The following HDGFL3 variants were observed in gnomAD, a reference collection of about 807,000 sequenced individuals.
HDGFL3 encodes HDGF like 3.
HDGFL3 carries 6 observed loss-of-function variants against 27.6 expected under a neutral mutation model. That is an observed-to-expected ratio of 0.22 (90% CI 0.12 to 0.43). The LOEUF (loss-of-function observed/expected upper bound fraction) is 0.43. HDGFL3 is among the 20% of genes least tolerant of loss of function. HDGFL3 has a pLI of 1.00. For missense variants in HDGFL3, 207 were observed against 250.1 expected, an observed-to-expected ratio of 0.83 and a Z score of 1.16; for synonymous variants, 88 against 88.9, an observed-to-expected ratio of 0.99 and a Z score of 0.05.
downstream of HDGFL3, among the ~76,000 whole-genome samples, chr15:83,125,630 G>C (rs955981075): frequency 6.6e-6 from 1 of 152,194 alleles, no homozygotes; most frequent in Admixed American, 6.5e-5. Context: ...CTTCTTAGTA[G>C]AAATGAATTT....
intron 1 of HDGFL3, 106 bp from the exon 2 acceptor site, chr15:83,164,181 C>T: frequency 1.3e-6 from 1 of 764,048 alleles, no homozygotes; most frequent in Non-Finnish European, 2.1e-6. Context: ...AATCAAAACT[C>T]AGATAGTTTT....
At chr15:83,170,969 GA>G (rs1049666990) in intron 1 of HDGFL3, among the ~76,000 whole-genome samples, 4 of 150,040 alleles carry the variant, frequency 2.7e-5, no homozygotes, top group African/African-American at 9.8e-5. Context: ...CAAGAAACAC[GA>G]AAAAACTTGT....
In HDGFL3 at chr15:83,136,558, C is replaced by A. The variant is rs754009945; in HGVS notation, c.*2712G>T. 6.2e-7 allele frequency: 1 copy of A among 1,613,720 alleles called. No individual in the cohort carries two copies. Among genetic ancestry groups the A allele is most frequent in the Admixed American group, 1.7e-5 (1 of 59,950 alleles). Reference sequence around the variant, plus strand: ...ACAGAGTCCCTGAAGAAGCAAAAATCCTTTTTTTAGCATTAAACATAGCAT... The same window carrying A: ...ACAGAGTCCCTGAAGAAGCAAAAATACTTTTTTTAGCATTAAACATAGCAT... On this transcript the variant is annotated 3_prime_UTR_variant, in exon 6 of 6. Transcript: ENST00000299633.
chr15:83,186,175 AG>A (rs1173678149), intron 1 of HDGFL3: 2 of 152,298 alleles, frequency 1.3e-5, no homozygotes, highest in Non-Finnish European at 2.9e-5. Flanking sequence ...CCTGGATTCC[AG>A]AAACACAGAA....
Position 83,167,282 on chromosome 15 carries a change from G to A in HDGFL3, c.85-3207C>T, listed in dbSNP as rs147731009. Among the ~76,000 whole-genome samples the A allele has an allele frequency of 6.2e-3, 947 of 152,314 alleles. 10 individuals are homozygous for A. The highest frequency in any genetic ancestry group is 0.019 in the African/African-American group (801 of 41,572). On this transcript the variant is annotated intron_variant, in intron 1 of 5. Coordinates refer to ENST00000299633, the MANE Select transcript of HDGFL3 (RefSeq NM_016073.4). ...AAAAAAAGGACAAAGAAGGCTGAGC[G>A]TGGTGGCTCACCCCTGTAATCTCAA...
At chr15:83,165,794 C>CAAAAAAAAAAAAAAAAAAAAAAAAAAAAA (rs57873221) in intron 1 of HDGFL3, among the ~76,000 whole-genome samples, 1 of 13,848 alleles carries the variant, frequency 7.2e-5, no homozygotes, top group Admixed American at 1.2e-3. Context: ...GAATCCATCT[C>CAAAAAAAAAAAAAAAAAAAAAAAAAAAAA]AAAAAAAAAA....
intron 1 of HDGFL3, among the ~76,000 whole-genome samples, chr15:83,167,077 G>A (rs976244261): frequency 1.3e-5 from 2 of 152,144 alleles, no homozygotes; most frequent in Non-Finnish European, 2.9e-5. Context: ...GCACAGAGTG[G>A]CAGCTTGGAT....
chr15:83,188,000 G>A (rs1445905142), intron 1 of HDGFL3, among the ~76,000 whole-genome samples: 1 of 151,952 alleles, frequency 6.6e-6, no homozygotes, highest in Non-Finnish European at 1.5e-5. Flanking sequence ...ATAGATTAGA[G>A]GTATTTTCCA....
intron 1 of HDGFL3, among the ~76,000 whole-genome samples, chr15:83,188,001 G>T (rs917654721): frequency 6.6e-6 from 1 of 152,010 alleles, no homozygotes; most frequent in Non-Finnish European, 1.5e-5. Context: ...TAGATTAGAG[G>T]TATTTTCCAT....
At chr15:83,127,663 A>G (rs976685529), downstream of HDGFL3, 1 of 567,382 alleles carries the variant, frequency 1.8e-6, no homozygotes, top group Admixed American at 3.3e-5. Context: ...CAATAACTAT[A>G]TGGTAGATGT....
intron 1 of HDGFL3, among the ~76,000 whole-genome samples, chr15:83,205,408 T>A (rs961385524): frequency 2.6e-5 from 4 of 152,218 alleles, no homozygotes; most frequent in African/African-American, 9.6e-5. Flanking sequence ...CTATTTTATC[T>A]AAAAACTTAA....
chr15:83,188,961 T>A (rs1488061725), intron 1 of HDGFL3, among the ~76,000 whole-genome samples: 1 of 152,190 alleles, frequency 6.6e-6, no homozygotes, highest in African/African-American at 2.4e-5. Flanking sequence ...GGCGTCACCA[T>A]CCACCCAGAT....
At chr15:83,118,101 C>G (rs1480282772) in intron 3 of HDGFL3, among the ~76,000 whole-genome samples, 1 of 152,164 alleles carries the variant, frequency 6.6e-6, no homozygotes, top group East Asian at 1.9e-4. Context: ...GTGGCTCATG[C>G]CTGTAATCTC....
chr15:83,126,865 C>T, downstream of HDGFL3: 3 of 1,578,178 alleles, frequency 1.9e-6, no homozygotes, highest in Non-Finnish European at 2.6e-6. Flanking sequence ...AGTTATGAAG[C>T]CTAAGATTTT....
At chr15:83,115,635 A>C in exon 4 of HDGFL3, 1 of 680,618 alleles carries the variant, frequency 1.5e-6, no homozygotes, top group African/African-American at 1.8e-5. Flanking sequence ...CCTTGATGAG[A>C]GTACTTAGGC....
chr15:83,193,484 T>A (rs548206313), intron 1 of HDGFL3, among the ~76,000 whole-genome samples: 1 of 152,272 alleles, frequency 6.6e-6, no homozygotes, highest in South Asian at 2.1e-4. Flanking sequence ...TTGGTGAGAA[T>A]GTAAAATGGT....
rs1181631719 is a variant in HDGFL3 at position 83,131,269 on chromosome 15, T to C, written c.*8001A>G. ...CATCTAGTAAACTCTCAAGAATCTA[T>C]GCAACTTAGTAAGGGAAAAAAAAAC... On this transcript the variant is annotated 3_prime_UTR_variant, in exon 6 of 6. Transcript: ENST00000299633. The C allele has an allele frequency of 6.6e-6, 1 of 152,098 alleles. No homozygotes were observed. The highest frequency in any genetic ancestry group is 1.5e-5 in the Non-Finnish European group (1 of 68,044). 9.4% of individuals were successfully genotyped at this position (152,098 alleles called of 1,614,324 possible). A position where few individuals can be genotyped will look rare whatever the true frequency, so the allele number is the denominator to read the frequency against.
At position 83,135,105 on chromosome 15, in the gene HDGFL3, A is replaced by C. The variant is rs1434106904; in HGVS notation, c.*4165T>G. ...CTGGTCCTTGGCAATACATCATGCT[A>C]ATTTAATTTATATCTCCAGAGTAGC... On this transcript the variant is annotated 3_prime_UTR_variant, in exon 6 of 6. Coordinates refer to ENST00000299633, the MANE Select transcript of HDGFL3 (RefSeq NM_016073.4). The C allele has an allele frequency of 6.6e-6, 1 of 152,202 alleles. No individual in the cohort carries two copies. Among genetic ancestry groups the C allele is most frequent in the East Asian group, 1.9e-4 (1 of 5,188 alleles). The allele number at this position is 152,202 out of a possible 1,614,324, so 9.4% of individuals were successfully genotyped here.
chr15:83,122,904 C>T (rs1465592045), downstream of HDGFL3: 1 of 1,612,272 alleles, frequency 6.2e-7, no homozygotes, highest in African/African-American at 1.3e-5. Context: ...TTTGATGTAC[C>T]CTGTTCTCAA....
Sources: allele counts gnomAD v4.1 joint callset (sites outside exome capture counted in the v4.1 genomes callset), GRCh38; gene constraint gnomAD v4.1.1; transcripts MANE v1.5; gene names NCBI Gene and HGNC (gene_info 2026-07-23, HGNC 2026-07-21).